CEP78: variants seen among roughly 807,000 people sequenced by gnomAD.
The protein encoded by CEP78 is centrosomal protein of 78 kDa.
A neutral mutation model predicts 81.2 loss-of-function variants in CEP78; 76 were observed. The observed-to-expected ratio is 0.94, with a 90% confidence interval of 0.78 to 1.13. The LOEUF (loss-of-function observed/expected upper bound fraction) is 1.13. CEP78 is among the 50% of genes most tolerant of loss of function. The pLI, the probability that CEP78 is intolerant of heterozygous loss-of-function variation, is 0.00. For missense variants in CEP78, 918 were observed against 846.8 expected, an observed-to-expected ratio of 1.08 and a Z score of -1.04; for synonymous variants, 293 against 301.4, an observed-to-expected ratio of 0.97 and a Z score of 0.29.
At chr9:78,250,591 T>C (rs986637796) in intron 8 of CEP78, 2 of 170,202 alleles carry the variant, frequency 1.2e-5, no homozygotes, top group Non-Finnish European at 2.5e-5. Flanking sequence ...TACAAAAAAT[T>C]AGCCGGGCGT....
At chr9:78,268,752 G>A (rs1399221159) in intron 16 of CEP78, among the ~76,000 whole-genome samples, 1 of 146,294 alleles carries the variant, frequency 6.8e-6, no homozygotes, top group Non-Finnish European at 1.5e-5. Context: ...GTGCGATCTC[G>A]GCTCACTGCA....
chr9:78,265,637 A>G (rs1041238590), intron 14 of CEP78, 94 bp downstream of exon 14: 1 of 1,208,436 alleles, frequency 8.3e-7, no homozygotes, highest in African/African-American at 1.5e-5. Context: ...ATCTGTGCAC[A>G]TGCTCAGGGA....
At chr9:78,247,984 G>A (rs1447591371) in intron 6 of CEP78, among the ~76,000 whole-genome samples, 1 of 152,160 alleles carries the variant, frequency 6.6e-6, no homozygotes, top group African/African-American at 2.4e-5. Flanking sequence ...TAAGTATCTG[G>A]ACAGTGTTTA....
rs1363890533 is a variant in CEP78 at position 78,240,222 on chromosome 9, G to GATCAAAACTATCAAAAGCA, written c.426+28_426+29insTCAAAACTATCAAAAGCAA. ...TAAGCTTTGTCTCATTTGGCTTGTA[G>GATCAAAACTATCAAAAGCA]ACATTTGATAGTTGCTTTTAGAGGA... On this transcript the variant is annotated intron_variant, in intron 2 of 16. Coordinates refer to ENST00000643273, the MANE Select transcript of CEP78 (RefSeq NM_001330691.3). The GATCAAAACTATCAAAAGCA allele has an allele frequency of 1.9e-6, 3 of 1,612,702 alleles. No homozygotes were observed. The East Asian group carries it at 6.7e-5, about 36-fold the overall frequency.
chr9:78,265,644 GGGACCAGAAGC>G, intron 14 of CEP78, 101 bp downstream of exon 14: 1 of 1,120,422 alleles, frequency 8.9e-7, no homozygotes, highest in Non-Finnish European at 1.3e-6. Flanking sequence ...CACATGCTCA[GGGACCAGAAGC>G]ATCTTTGGGG....
chr9:78,264,463 AT>A, intron 13 of CEP78, 147 bp downstream of exon 13: 1 of 600,086 alleles, frequency 1.7e-6, no homozygotes, highest in Non-Finnish European at 2.7e-6. Context: ...TGTGGAATTA[AT>A]TTTAAAAGAA....
chr9:78,251,735 TA>T (rs1422594652), intron 8 of CEP78, among the ~76,000 whole-genome samples, 172 bp from the exon 9 acceptor site: 27 of 151,750 alleles, frequency 1.8e-4, no homozygotes, highest in Admixed American at 1.6e-3. Context: ...TATTTATTCT[TA>T]TATTTATTAC....
intron 3 of CEP78, among the ~76,000 whole-genome samples, chr9:78,240,639 C>A (rs1353233747): frequency 6.6e-6 from 1 of 152,086 alleles, no homozygotes; most frequent in African/African-American, 2.4e-5. Context: ...AGTTTTTCTT[C>A]AAGAAATATT....
In CEP78 at chr9:78,273,279, C is replaced by T. The variant is rs770086371; in HGVS notation, c.*2428C>T. On this transcript the variant is annotated 3_prime_UTR_variant, in exon 17 of 17. Transcript: ENST00000643273. ...CTGTCATAGATTATAAAGAGATGAA[C>T]AAAAATATACCAGGCAGATGCTAAA... The T allele has an allele frequency of 6.6e-5, 10 of 152,134 alleles. No homozygotes were observed. The highest frequency in any genetic ancestry group is 1.3e-4 in the Non-Finnish European group (9 of 67,992). 9.4% of individuals were successfully genotyped at this position (152,134 alleles called of 1,614,324 possible).
chr9:78,265,287 A>G (rs898878417), intron 13 of CEP78, 85 bp from the exon 14 acceptor site: 12 of 1,085,458 alleles, frequency 1.1e-5, no homozygotes, highest in Non-Finnish European at 1.3e-5. Context: ...GAAGTATTTA[A>G]TGATTGTAGG....
chr9:78,266,435 C>T lies in CEP78; in HGVS notation c.1846-7C>T. The T allele has an allele frequency of 6.3e-7, 1 of 1,575,366 alleles. No individual in the cohort carries two copies. Among genetic ancestry groups the T allele is most frequent in the South Asian group, 1.2e-5 (1 of 85,676 alleles). ...TCACTAAATTTTTGTTTTGTTTTTCCTTCTAGTTTCAGAAAATTACAGGTG... is the reference window on the plus strand; with the variant it reads ...TCACTAAATTTTTGTTTTGTTTTTCTTTCTAGTTTCAGAAAATTACAGGTG... On this transcript the variant is annotated splice_polypyrimidine_tract_variant and splice_region_variant and intron_variant, in intron 15 of 16. Coordinates refer to ENST00000643273, the MANE Select transcript of CEP78 (RefSeq NM_001330691.3).
intron 8 of CEP78, among the ~76,000 whole-genome samples, chr9:78,250,889 T>C (rs75336259): frequency 6.6e-6 from 1 of 152,308 alleles, no homozygotes; most frequent in African/African-American, 2.4e-5. Flanking sequence ...CCAGAGAAAT[T>C]GCACAGCACA....
In CEP78 at chr9:78,254,950, C is replaced by A. The variant is rs1430276406; in HGVS notation, c.1366C>A (p.Gln456Lys). ...HEVPEKTSIE[Q>K]EALQEKLEEC... ...AGTGCCTGAGAAAACTAGTATAGAACAAGAAGCATTACAGGTACAAAGCTA... is the reference window on the plus strand; with the variant it reads ...AGTGCCTGAGAAAACTAGTATAGAAAAAGAAGCATTACAGGTACAAAGCTA... The change falls in exon 11 of 17, where the codon CAA (glutamine) becomes AAA (lysine). Residue 456 changes from glutamine (Q) to lysine (K), a missense_variant. Physicochemically the swap from Gln to Lys is moderately conservative, Grantham distance 53. Transcript: ENST00000643273. The A allele has an allele frequency of 6.2e-7, 1 of 1,609,708 alleles. No individual in the cohort carries two copies. Among genetic ancestry groups the A allele is most frequent in the Non-Finnish European group, 8.5e-7 (1 of 1,177,280 alleles).
In CEP78 at chr9:78,278,334, G is replaced by T. The variant is rs1274382525; in HGVS notation, c.*7483G>T. On this transcript the variant is annotated 3_prime_UTR_variant, in exon 17 of 17. Transcript: ENST00000643273. ...CTACATAACCTCTTTTCAGAGCTTT[G>T]TATTCCTGAAGTGTTGGAGTCGCCT... is the stretch of plus-strand genomic sequence containing the variant. The T allele has an allele frequency of 1.3e-5, 2 of 152,092 alleles. No homozygotes were observed. The highest frequency in any genetic ancestry group is 6.5e-5 in the Admixed American group (1 of 15,272). 9.4% of individuals were successfully genotyped at this position (152,092 alleles called of 1,614,324 possible).
rs766402858 is a variant in CEP78 at position 78,266,550 on chromosome 9, C to G, written c.1954C>G (p.Pro652Ala). The G allele has an allele frequency of 1.9e-6, 3 of 1,613,748 alleles. No individual in the cohort carries two copies. In the African/African-American group the frequency reaches 4.0e-5, roughly 22 times the overall value. The stretch of plus-strand genomic sequence containing the variant: ...AACTTCCAGCAACAACCTAGGAGTC[C>G]CAGCTACTGAGCAGCGGCAGGAGTC... ...LGTSSNNLGV[P>A]ATEQRQESFE... Residue 652 changes from proline to alanine, a missense_variant, in exon 16 of 17, where the codon CCA becomes GCA. Transcript: ENST00000643273.
chr9:78,274,225 G>A lies in CEP78; in HGVS notation c.*3374G>A, dbSNP rs927014698. Reference sequence around the variant, plus strand: ...TATGCTGAGTGAAAAAGCCAGTCTCGGAAGGCTACATTCTGTATGATTCCA... The same window carrying A: ...TATGCTGAGTGAAAAAGCCAGTCTCAGAAGGCTACATTCTGTATGATTCCA... On this transcript the variant is annotated 3_prime_UTR_variant, in exon 17 of 17. Transcript: ENST00000643273. 13 of 152,178 alleles carry A rather than the reference G, an allele frequency of 8.5e-5. No homozygotes were observed. The highest frequency in any genetic ancestry group is 7.7e-4 in the East Asian group (4 of 5,190). The allele number at this position is 152,178 out of a possible 1,614,324, so 9.4% of individuals were successfully genotyped here.
rs1342763496 is a variant in CEP78, at chr9:78,278,329, G to A, written c.*7478G>A. 6.6e-6 allele frequency: 1 copy of A among 152,124 alleles called. No individual in the cohort carries two copies. Among genetic ancestry groups the A allele is most frequent in the Non-Finnish European group, 1.5e-5 (1 of 68,030 alleles). 9.4% of individuals were successfully genotyped at this position (152,124 alleles called of 1,614,324 possible). ...CTTTGCTACATAACCTCTTTTCAGA[G>A]CTTTGTATTCCTGAAGTGTTGGAGT... On this transcript the variant is annotated 3_prime_UTR_variant, in exon 17 of 17. Transcript: ENST00000643273.
chr9:78,251,807 C>A, intron 8 of CEP78, 101 bp from the exon 9 acceptor site: 2 of 938,108 alleles, frequency 2.1e-6, no homozygotes, highest in Non-Finnish European at 3.0e-6. Context: ...GTGTCATTGT[C>A]AGGTGCCCAT....
chr9:78,252,626 G>T (rs776476009), intron 9 of CEP78, among the ~76,000 whole-genome samples: 2 of 151,946 alleles, frequency 1.3e-5, no homozygotes, highest in African/African-American at 4.8e-5. Flanking sequence ...AATTATTTTC[G>T]AATGACTGAC....
Sources: allele counts gnomAD v4.1 joint callset (sites outside exome capture counted in the v4.1 genomes callset), GRCh38; gene constraint gnomAD v4.1.1; transcripts MANE v1.5; gene names NCBI Gene and HGNC (gene_info 2026-07-23, HGNC 2026-07-21).